SMAD2: variants seen among roughly 807,000 people sequenced by gnomAD.
The protein encoded by SMAD2 is MAD homolog 2.
A neutral mutation model predicts 64.4 loss-of-function variants in SMAD2; 8 were observed. That is an observed-to-expected ratio of 0.12 (90% CI 0.07 to 0.22). The LOEUF is 0.22. Ranked by LOEUF, SMAD2 falls within the 10% of genes least tolerant of loss-of-function variation. The pLI is 1.00. For missense variants in SMAD2, 289 were observed against 561.2 expected, an observed-to-expected ratio of 0.51 and a Z score of 4.90; for synonymous variants, 203 against 195.8, an observed-to-expected ratio of 1.04 and a Z score of -0.31.
Position 47,835,112 on chromosome 18 carries a change from T to C in SMAD2, c.*6715A>G, listed in dbSNP as rs979692411. 1 of 220,318 alleles carries C rather than the reference T, an allele frequency of 4.5e-6. No individual in the cohort carries two copies. The highest frequency in any genetic ancestry group is 9.1e-6 in the Non-Finnish European group (1 of 109,972). The allele number at this position is 220,318 out of a possible 1,614,324, so 13.6% of individuals were successfully genotyped here. On this transcript the variant is annotated 3_prime_UTR_variant, in exon 11 of 11. Transcript: ENST00000262160. Reference sequence around the variant, plus strand: ...CTGTAGTTTTTCTTTCTTTACTCTTTTGTATAAAAGGTTAGTGTCACAGCT... The same window carrying C: ...CTGTAGTTTTTCTTTCTTTACTCTTCTGTATAAAAGGTTAGTGTCACAGCT...
At chr18:47,893,291 T>G (rs1267609412) in intron 2 of SMAD2, among the ~76,000 whole-genome samples, 1 of 151,962 alleles carries the variant, frequency 6.6e-6, no homozygotes, top group Non-Finnish European at 1.5e-5. Context: ...ATGAGGGGAG[T>G]GGGAGGGACA....
At chr18:47,903,511 G>T (rs971590024) in intron 1 of SMAD2, among the ~76,000 whole-genome samples, 6 of 151,866 alleles carry the variant, frequency 4.0e-5, no homozygotes, top group African/African-American at 1.5e-4. Flanking sequence ...AAGAAATGAT[G>T]GACCATTTTC....
chr18:47,908,291 C>T (rs1443357846), intron 1 of SMAD2, among the ~76,000 whole-genome samples: 2 of 152,162 alleles, frequency 1.3e-5, no homozygotes, highest in African/African-American at 4.8e-5. Context: ...CACAAACATA[C>T]ATGAGGCACT....
chr18:47,929,490 A>G (rs2034909493), intron 1 of SMAD2, among the ~76,000 whole-genome samples: 1 of 152,370 alleles, frequency 6.6e-6, no homozygotes, highest in Middle Eastern at 3.4e-3. Context: ...TGTCGTTTTA[A>G]AAGTTTCACA....
rs1193857936 is a variant in SMAD2 at position 47,868,307 on chromosome 18, CA to C, written c.655+15del. On this transcript the variant is annotated intron_variant, in intron 5 of 10. Transcript: ENST00000262160. Reference sequence around the variant, plus strand: ...GTATCTATCCAAGTTTTAGGAGATTCAGAAGGCAAAAATACCTGGAATATAA... The same window carrying C: ...GTATCTATCCAAGTTTTAGGAGATTCGAAGGCAAAAATACCTGGAATATAA... The C allele has an allele frequency of 6.2e-7, 1 of 1,610,166 alleles. No individual in the cohort carries two copies. The highest frequency in any genetic ancestry group is 1.7e-5 in the Admixed American group (1 of 59,962).
chr18:47,844,809 G>GCA (rs1487675640), intron 10 of SMAD2: 1 of 171,806 alleles, frequency 5.8e-6, no homozygotes, highest in African/African-American at 2.4e-5. Context: ...ACAGTGCCTG[G>GCA]CACATTAGCA....
At chr18:47,882,525 A>G (rs1016371889) in intron 2 of SMAD2, 41 of 152,322 alleles carry the variant, frequency 2.7e-4, no homozygotes, top group African/African-American at 9.1e-4. Flanking sequence ...AAAGTTATAA[A>G]CTAACCTTGT....
chr18:47,929,094 T>C (rs1028404628), intron 1 of SMAD2, among the ~76,000 whole-genome samples: 2 of 152,188 alleles, frequency 1.3e-5, no homozygotes, highest in African/African-American at 2.4e-5. Flanking sequence ...CGAAGGCAAA[T>C]TTTTTAAATA....
At position 47,829,326 on chromosome 18, in the gene SMAD2, C is replaced by T. The variant is rs569701455; in HGVS notation, c.*12501G>A. The T allele has an allele frequency of 1.4e-4, 22 of 152,172 alleles. No individual in the cohort carries two copies. Among genetic ancestry groups the T allele is most frequent in the African/African-American group, 4.8e-4 (20 of 41,496 alleles). 9.4% of individuals were successfully genotyped at this position (152,172 alleles called of 1,614,324 possible). A position where few individuals can be genotyped will look rare whatever the true frequency, so the allele number is the denominator to read the frequency against. On this transcript the variant is annotated 3_prime_UTR_variant, in exon 11 of 11. Transcript: ENST00000262160. ...TGTCACATACTATTTTGAAGCAAGT[C>T]TTACCCATTGTATTTTACCCATAAA...
chr18:47,901,248 C>T (rs2033673387), intron 1 of SMAD2, among the ~76,000 whole-genome samples: 1 of 152,198 alleles, frequency 6.6e-6, no homozygotes, highest in African/African-American at 2.4e-5. Context: ...TCCCCTTACA[C>T]TATAAAATGT....
chr18:47,848,712 T>A (rs1164502128), intron 7 of SMAD2, 25 bp from the exon 8 acceptor site: 5 of 1,506,268 alleles, frequency 3.3e-6, no homozygotes, highest in Non-Finnish European at 4.6e-6. Flanking sequence ...AATAAAAAAA[T>A]AATAAAAGGA....
intron 6 of SMAD2, among the ~76,000 whole-genome samples, chr18:47,860,140 TCAATCCTATGA>T (rs970006080): frequency 7.2e-5 from 11 of 152,054 alleles, no homozygotes; most frequent in African/African-American, 2.7e-4. Flanking sequence ...TCTCAATTAA[TCAATCCTATGA>T]CTTAAATGAA....
intron 1 of SMAD2, chr18:47,922,747 T>C (rs1019470536): frequency 1.3e-5 from 2 of 152,284 alleles, no homozygotes; most frequent in African/African-American, 2.4e-5. Flanking sequence ...ACCAGGATAA[T>C]AGAAAACCTC....
At chr18:47,925,786 A>G (rs1023884571) in intron 1 of SMAD2, among the ~76,000 whole-genome samples, 4 of 152,202 alleles carry the variant, frequency 2.6e-5, no homozygotes, top group African/African-American at 9.6e-5. Context: ...TAATTATCTG[A>G]TGGTGTAGAT....
At chr18:47,894,409 T>C (rs1044049129) in intron 2 of SMAD2, among the ~76,000 whole-genome samples, 1 of 152,170 alleles carries the variant, frequency 6.6e-6, no homozygotes, top group African/African-American at 2.4e-5. Context: ...CACCCTCAGG[T>C]TAAGTGTGAA....
intron 2 of SMAD2, among the ~76,000 whole-genome samples, chr18:47,872,255 A>T (rs1039933985): frequency 6.6e-6 from 1 of 152,190 alleles, no homozygotes; most frequent in Non-Finnish European, 1.5e-5. Flanking sequence ...ATTTGCTTCT[A>T]GCTAGTAAAA....
At chr18:47,876,889 CT>C (rs972965734) in intron 2 of SMAD2, among the ~76,000 whole-genome samples, 31 of 152,078 alleles carry the variant, frequency 2.0e-4, no homozygotes, top group African/African-American at 7.5e-4. Context: ...CAATTTACTA[CT>C]TTTTTTGCGT....
Position 47,875,939 on chromosome 18 carries a change from C to T in SMAD2, c.237-5375G>A, listed in dbSNP as rs182640783. Among the ~76,000 whole-genome samples, 13 of 152,006 alleles carry T rather than the reference C, an allele frequency of 8.6e-5. No individual in the cohort carries two copies. In the East Asian group the frequency reaches 1.7e-3, roughly 20 times the overall value. ...GAGTATAAATTTGTCTTTTGGTTAG[C>T]GTTAAGTTTGCACTTAAGTATGTTT... On this transcript the variant is annotated intron_variant, in intron 2 of 10. Coordinates refer to ENST00000262160, the MANE Select transcript of SMAD2 (RefSeq NM_005901.6).
chr18:47,868,288 A>G (rs376473211), intron 5 of SMAD2, 35 bp downstream of exon 5: 8 of 1,581,736 alleles, frequency 5.1e-6, no homozygotes, highest in Middle Eastern at 1.7e-4. Flanking sequence ...ATTTGTATCT[A>G]TCCAAGTTTT....
Sources: gnomAD v4.1 joint callset for allele counts (sites outside exome capture counted in the v4.1 genomes callset) on GRCh38, gnomAD v4.1.1 for gene constraint, MANE v1.5 for transcripts, NCBI Gene and HGNC (gene_info 2026-07-23, HGNC 2026-07-21) for gene names.